The following VPS13B variants were observed in gnomAD, a reference collection of about 807,000 sequenced individuals.
The protein encoded by VPS13B is vacuolar protein sorting 13 homolog B.
VPS13B carries 285 observed loss-of-function variants against 426.4 expected under a neutral mutation model. The ratio of observed to expected loss-of-function variants is 0.67; its 90% CI spans 0.61 to 0.74. The LOEUF (loss-of-function observed/expected upper bound fraction) is 0.74. VPS13B is among the 30% of genes least tolerant of loss of function. The probability of loss-of-function intolerance (pLI) is 0.00; values close to 1 mark genes in which losing one functional copy is unlikely to be tolerated. For missense variants in VPS13B, 4,537 were observed against 4,782.6 expected (o/e 0.95, Z 1.51); for synonymous variants, 1,676 against 1,676.4 (o/e 1.00, Z 0.01).
intron 30 of VPS13B, among the ~76,000 whole-genome samples, chr8:99,542,371 G>C (rs1395130706): frequency 1.3e-5 from 2 of 152,184 alleles, no homozygotes; most frequent in East Asian, 3.8e-4. Context: ...TGGTGCTATA[G>C]TAGCCACTGC....
At chr8:99,410,610 A>T (rs1815590431) in intron 21 of VPS13B, among the ~76,000 whole-genome samples, 1 of 151,594 alleles carries the variant, frequency 6.6e-6, no homozygotes, top group Non-Finnish European at 1.5e-5. Flanking sequence ...CATGTGTAGA[A>T]CATGAATGTT....
chr8:99,014,063 C>T (rs1436919558), intron 2 of VPS13B, 128 bp downstream of exon 2: 1 of 1,088,736 alleles, frequency 9.2e-7, no homozygotes, highest in Non-Finnish European at 1.3e-6. Flanking sequence ...TTGAGCTACC[C>T]TGAAACAAGG....
In VPS13B at chr8:99,313,241, G is replaced by A. The variant is rs149314661; in HGVS notation, c.2824+37987G>A. ...TGCGTTCCTTTGGAGGGGGAGAAGC[G>A]CTCTGATTTTTAGAATTTTCAGCTT... is the stretch of plus-strand genomic sequence containing the variant. On this transcript the variant is annotated intron_variant, in intron 19 of 61. Coordinates refer to ENST00000357162, the MANE Select transcript of VPS13B (RefSeq NM_152564.5). 3.7e-3 allele frequency among the ~76,000 whole-genome samples: 559 copies of A among 152,266 alleles called. 3 individuals are homozygous for A. Among genetic ancestry groups the A allele is most frequent in the African/African-American group, 0.013 (522 of 41,574 alleles).
At chr8:99,589,164 G>C (rs28847009) in intron 33 of VPS13B, among the ~76,000 whole-genome samples, 7,138 of 151,694 alleles carry the variant, frequency 0.047, 261 homozygotes, top group African/African-American at 0.063. Context: ...GATCATGGTG[G>C]ATAAACTTTT....
At chr8:99,871,375 T>C (rs200480603) in intron 60 of VPS13B, 73 bp from the exon 61 acceptor site, 145 of 1,610,038 alleles carry the variant, frequency 9.0e-5, no homozygotes, top group Middle Eastern at 5.1e-4. Context: ...GCCCCATTGG[T>C]AAATAATGAG....
At chr8:99,138,825 T>A (rs985907059) in intron 12 of VPS13B, among the ~76,000 whole-genome samples, 1 of 152,230 alleles carries the variant, frequency 6.6e-6, no homozygotes, top group Non-Finnish European at 1.5e-5. Flanking sequence ...GTCTTATGCA[T>A]GTGCTGTGGA....
At chr8:99,533,365 T>C (rs913375801) in intron 30 of VPS13B, among the ~76,000 whole-genome samples, 1 of 152,218 alleles carries the variant, frequency 6.6e-6, no homozygotes, top group Non-Finnish European at 1.5e-5. Flanking sequence ...GACATAATTG[T>C]TTCATGCATT....
At chr8:99,724,972 C>G (rs1247780880) in intron 39 of VPS13B, among the ~76,000 whole-genome samples, 1 of 152,152 alleles carries the variant, frequency 6.6e-6, no homozygotes, top group African/African-American at 2.4e-5. Context: ...TCTGGCATTC[C>G]CCAAACCAAC....
At chr8:99,696,926 A>G (rs140502344) in intron 35 of VPS13B, 8,498 of 714,916 alleles carry the variant, frequency 0.012, 176 homozygotes, top group Admixed American at 0.069. Context: ...ATAAAGGCCA[A>G]TGATAAGCTG....
In VPS13B at chr8:99,778,964, C is replaced by G; in HGVS notation, c.7712C>G (p.Ser2571Cys). 6.2e-7 allele frequency: 1 copy of G among 1,613,932 alleles called. No homozygotes were observed. Among genetic ancestry groups the G allele is most frequent in the East Asian group, 2.2e-5 (1 of 44,858 alleles). ...KLLDCTVIVD[S>C]VFVNLGQHVV... is the part of the protein sequence containing the mutation. ...CTTGACTGCACCGTGATAGTTGATT[C>G]TGTATTTGTAAACCTTGGACAGCAT... The change falls in exon 42 of 62, where the codon TCT (serine) becomes TGT (cysteine). Residue 2571 changes from serine to cysteine, a missense_variant. Physicochemically the swap from Ser to Cys is moderately radical, Grantham distance 112. This residue lies in a region of VPS13B where 4,311 missense variants were observed against 4,474.3 expected (regional missense o/e 0.96). Transcript: ENST00000357162.
chr8:99,853,285 A>T lies in VPS13B; in HGVS notation c.10062-166A>T, dbSNP rs531659576. 1.3e-3 allele frequency among the ~76,000 whole-genome samples: 196 copies of T among 151,038 alleles called. 1 individual carries two copies. The highest frequency in any genetic ancestry group is 3.2e-3 in the South Asian group (15 of 4,760). ...TCCCAATACTGTTGGAGTGTGACTGACTCCGTCCAGACACAATGTACTGAA... is the reference window on the plus strand; with the variant it reads ...TCCCAATACTGTTGGAGTGTGACTGTCTCCGTCCAGACACAATGTACTGAA... On this transcript the variant is annotated intron_variant, in intron 55 of 61. Transcript: ENST00000357162.
chr8:99,140,547 C>A (rs868142863), intron 12 of VPS13B, among the ~76,000 whole-genome samples: 2 of 150,134 alleles, frequency 1.3e-5, no homozygotes, highest in Non-Finnish European at 1.5e-5. Flanking sequence ...TGCTTCTCTT[C>A]TTCTCCTCCT....
intron 36 of VPS13B, among the ~76,000 whole-genome samples, chr8:99,706,754 C>A (rs1193892152): frequency 6.6e-6 from 1 of 152,112 alleles, no homozygotes; most frequent in African/African-American, 2.4e-5. Flanking sequence ...AATAGCATCT[C>A]CTTAGCATTC....
intron 30 of VPS13B, among the ~76,000 whole-genome samples, chr8:99,532,760 TA>T: frequency 0.01 from 1 of 96 alleles, no homozygotes; most frequent in South Asian, 0.12. Flanking sequence ...TATTTTATTG[TA>T]TTTTTTGTGT....
chr8:99,199,562 A>G (rs1047302575), intron 17 of VPS13B, among the ~76,000 whole-genome samples: 1 of 152,098 alleles, frequency 6.6e-6, no homozygotes, highest in African/African-American at 2.4e-5. Context: ...TTGCTGTCTT[A>G]ATTCATATTA....
At chr8:99,019,293 A>G (rs1156545080) in intron 2 of VPS13B, among the ~76,000 whole-genome samples, 1 of 145,448 alleles carries the variant, frequency 6.9e-6, no homozygotes, top group East Asian at 2.0e-4. Context: ...TGCAACCTCT[A>G]CTTCCTGGGT....
chr8:99,453,618 A>G (rs1434027895), intron 23 of VPS13B, among the ~76,000 whole-genome samples: 3 of 152,076 alleles, frequency 2.0e-5, no homozygotes, highest in Non-Finnish European at 2.9e-5. Context: ...TTGCTTATCA[A>G]TTTTGCATTT....
chr8:99,302,839 T>C (rs754863091), intron 19 of VPS13B, among the ~76,000 whole-genome samples: 5 of 151,914 alleles, frequency 3.3e-5, no homozygotes, highest in Non-Finnish European at 7.4e-5. Context: ...AAAAACAGAA[T>C]GGCTCCATGG....
At position 99,620,516 on chromosome 8, in the gene VPS13B, AAGG is replaced by A. The variant is rs1445574581; in HGVS notation, c.5221-21292_5221-21290del. ...GGGTGGGAGGGAAAGCTGTGCATAG[AAGG>A]AGAACCAGGAAAATGACCTTTATTG... On this transcript the variant is annotated intron_variant, in intron 33 of 61. Transcript: ENST00000357162. 7.9e-5 allele frequency among the ~76,000 whole-genome samples: 12 copies of A among 152,284 alleles called. No individual in the cohort carries two copies. The South Asian group carries it at 8.3e-4, about 11-fold the overall frequency.
Sources: allele counts gnomAD v4.1 joint callset (sites outside exome capture counted in the v4.1 genomes callset), GRCh38; gene constraint gnomAD v4.1.1; regional missense constraint gnomAD v4.1.1; transcripts MANE v1.5; gene names NCBI Gene and HGNC (gene_info 2026-07-23, HGNC 2026-07-21).